Variants in LMBR1 observed in about 807,000 individuals in gnomAD.
LMBR1 encodes the protein limb region 1 protein homolog.
In LMBR1, 52 loss-of-function variants were observed where a neutral mutation model predicts 73.9. The ratio of observed to expected loss-of-function variants is 0.70; its 90% CI spans 0.56 to 0.89. The LOEUF (loss-of-function observed/expected upper bound fraction) is 0.89, where lower values mean the gene tolerates loss of function less well. Among genes scored for constraint, LMBR1 ranks in the 40% least tolerant of loss-of-function variants. The pLI, the probability that LMBR1 is intolerant of heterozygous loss-of-function variation, is 0.00. For missense variants in LMBR1, 539 were observed against 579.8 expected (o/e 0.93, Z 0.72); for synonymous variants, 215 against 209.4 (o/e 1.03, Z -0.23).
Position 156,734,815 on chromosome 7 carries a change from A to G in LMBR1, c.758-558T>C, listed in dbSNP as rs571955491. 2.0e-5 allele frequency among the ~76,000 whole-genome samples: 3 copies of G among 152,322 alleles called. No individual in the cohort carries two copies. The East Asian group carries it at 5.8e-4, about 29-fold the overall frequency. Reference sequence around the variant, plus strand: ...TCTATCTCACCTCCTTAAAATGACAATTGTGAACAGCTTGGCTGATGCTTC... The same window carrying G: ...TCTATCTCACCTCCTTAAAATGACAGTTGTGAACAGCTTGGCTGATGCTTC... On this transcript the variant is annotated intron_variant, in intron 9 of 16. Transcript: ENST00000353442.
chr7:156,681,634 A>G lies in LMBR1; in HGVS notation c.*2444T>C, dbSNP rs1287796663. 1.3e-5 allele frequency: 2 copies of G among 152,592 alleles called. No homozygotes were observed. The highest frequency in any genetic ancestry group is 4.8e-5 in the African/African-American group (2 of 41,458). 9.5% of individuals were successfully genotyped at this position (152,592 alleles called of 1,614,324 possible). On this transcript the variant is annotated 3_prime_UTR_variant, in exon 17 of 17. Coordinates refer to ENST00000353442, the MANE Select transcript of LMBR1 (RefSeq NM_022458.4). ...CTAATGCCCTTTAAAATCGATACTA[A>G]AGGAGAGAGAATAAAAGGACTGCTT... is the stretch of plus-strand genomic sequence containing the variant.
intron 5 of LMBR1, among the ~76,000 whole-genome samples, chr7:156,766,315 G>C (rs75086450): frequency 0.04 from 6,139 of 152,122 alleles, 401 homozygotes; most frequent in African/African-American, 0.14. Context: ...GTTAGACAGG[G>C]TTGCTTGCAG....
At chr7:156,715,437 T>C (rs1184106515) in intron 15 of LMBR1, among the ~76,000 whole-genome samples, 1 of 152,246 alleles carries the variant, frequency 6.6e-6, no homozygotes, top group Non-Finnish European at 1.5e-5. Flanking sequence ...GGTCCATTCA[T>C]GTTGTAGTAT....
rs143099859 is a variant in LMBR1 at position 156,742,834 on chromosome 7, T to C, written c.758-8577A>G. ...TACAGACCAACATCTCTGATGAATATTGATGCAAAAGTCCTCAACAAAATA... is the reference window on the plus strand; with the variant it reads ...TACAGACCAACATCTCTGATGAATACTGATGCAAAAGTCCTCAACAAAATA... On this transcript the variant is annotated intron_variant, in intron 9 of 16. Transcript: ENST00000353442. Among the ~76,000 whole-genome samples the C allele has an allele frequency of 8.6e-5, 13 of 151,822 alleles. No homozygotes were observed. The East Asian group carries it at 2.5e-3, about 29-fold the overall frequency.
rs369100911 is a variant in LMBR1, at chr7:156,707,215, T to C, written c.1225+16897A>G. Among the ~76,000 whole-genome samples the C allele has an allele frequency of 3.9e-5, 6 of 152,064 alleles. 1 individual carries two copies. The highest frequency in any genetic ancestry group is 1.4e-4 in the African/African-American group (6 of 41,456). ...GAAATAAAAAACCCGAGCAGGCCAATGATGAGTAGCAAGATTGAATCCATT... is the reference window on the plus strand; with the variant it reads ...GAAATAAAAAACCCGAGCAGGCCAACGATGAGTAGCAAGATTGAATCCATT... On this transcript the variant is annotated intron_variant, in intron 15 of 16. Transcript: ENST00000353442.
chr7:156,746,136 C>T (rs1248025341), intron 9 of LMBR1, among the ~76,000 whole-genome samples: 2 of 152,312 alleles, frequency 1.3e-5, no homozygotes, highest in South Asian at 4.1e-4. Context: ...GTTTAAACTA[C>T]ATAATAGTCT....
chr7:156,700,950 A>G (rs944668835), intron 15 of LMBR1, among the ~76,000 whole-genome samples: 1 of 152,198 alleles, frequency 6.6e-6, no homozygotes, highest in Non-Finnish European at 1.5e-5. Context: ...GGAAGGTGAA[A>G]GGCACTTCTT....
intron 4 of LMBR1, among the ~76,000 whole-genome samples, chr7:156,819,794 C>T (rs1834471032): frequency 6.6e-6 from 1 of 152,070 alleles, no homozygotes; most frequent in South Asian, 2.1e-4. Context: ...AGCAGAGGCC[C>T]AACTCAGAGC....
intron 5 of LMBR1, among the ~76,000 whole-genome samples, chr7:156,794,347 CTAAT>C (rs1306295307): frequency 1.3e-5 from 2 of 152,192 alleles, no homozygotes; most frequent in African/African-American, 4.8e-5. Flanking sequence ...TGAAATATCT[CTAAT>C]TAACTTCTAT....
At chr7:156,753,190 T>G (rs1196940027) in intron 9 of LMBR1, among the ~76,000 whole-genome samples, 2 of 151,846 alleles carry the variant, frequency 1.3e-5, no homozygotes, top group Middle Eastern at 3.2e-3. Context: ...AGGAGTGTCC[T>G]GGAGTGATGG....
intron 15 of LMBR1, among the ~76,000 whole-genome samples, chr7:156,708,915 A>G (rs933238155): frequency 6.6e-6 from 1 of 152,076 alleles, no homozygotes; most frequent in Non-Finnish European, 1.5e-5. Context: ...TTCCCTGGCA[A>G]ACTATATAAC....
At chr7:156,701,759 C>T (rs1029627670) in intron 15 of LMBR1, among the ~76,000 whole-genome samples, 3 of 152,200 alleles carry the variant, frequency 2.0e-5, no homozygotes, top group African/African-American at 7.2e-5. Context: ...ACCCCACATG[C>T]TTAGCTGTTT....
At chr7:156,767,533 C>T (rs1824311932) in intron 5 of LMBR1, among the ~76,000 whole-genome samples, 2 of 151,854 alleles carry the variant, frequency 1.3e-5, no homozygotes, top group African/African-American at 4.8e-5. Flanking sequence ...TCACTTTTTA[C>T]TGACAGCAGA....
At position 156,783,668 on chromosome 7, in the gene LMBR1, T is replaced by C. The variant is rs537460594; in HGVS notation, c.423+12721A>G. On this transcript the variant is annotated intron_variant, in intron 5 of 16. Transcript: ENST00000353442. ...ACCCAGCATCCTTGTTAAATTTTTTTATTTGAATAATCTATTTTTAAATTC... is the reference window on the plus strand; with the variant it reads ...ACCCAGCATCCTTGTTAAATTTTTTCATTTGAATAATCTATTTTTAAATTC... Among the ~76,000 whole-genome samples, 6 of 152,364 alleles carry C rather than the reference T, an allele frequency of 3.9e-5. No individual in the cohort carries two copies. The East Asian group carries it at 9.6e-4, about 24-fold the overall frequency.
intron 1 of LMBR1, among the ~76,000 whole-genome samples, chr7:156,874,201 G>T (rs1044199010): frequency 6.6e-6 from 1 of 152,256 alleles, no homozygotes; most frequent in South Asian, 2.1e-4. Flanking sequence ...CCAGTGGGCC[G>T]GCACCGCTGG....
intron 3 of LMBR1, among the ~76,000 whole-genome samples, chr7:156,833,010 C>G (rs1836964257): frequency 6.6e-6 from 1 of 152,148 alleles, no homozygotes; most frequent in Admixed American, 6.5e-5. Flanking sequence ...GCTAATTTCA[C>G]TATTTTGATA....
chr7:156,769,144 G>A (rs1027870475), intron 5 of LMBR1, among the ~76,000 whole-genome samples: 2 of 152,116 alleles, frequency 1.3e-5, no homozygotes, highest in African/African-American at 4.8e-5. Flanking sequence ...CATCACAGAT[G>A]GAATAAGCCC....
At chr7:156,874,229 C>T (rs141469571) in intron 1 of LMBR1, among the ~76,000 whole-genome samples, 4,452 of 152,358 alleles carry the variant, frequency 0.029, 101 homozygotes, top group South Asian at 0.084. Flanking sequence ...GCACACCCTC[C>T]GCAGCCACTG....
At chr7:156,703,156 T>C (rs571239676) in intron 15 of LMBR1, among the ~76,000 whole-genome samples, 105 of 152,342 alleles carry the variant, frequency 6.9e-4, no homozygotes, top group African/African-American at 2.4e-3. Context: ...GTGTCCTATG[T>C]GCTCTCTCAG....
Sources: allele counts gnomAD v4.1 joint callset (sites outside exome capture counted in the v4.1 genomes callset), GRCh38; gene constraint gnomAD v4.1.1; transcripts MANE v1.5; gene names NCBI Gene and HGNC (gene_info 2026-07-23, HGNC 2026-07-21).